RUNX1: variants seen among roughly 807,000 people sequenced by gnomAD.
The protein encoded by RUNX1 is RUNX family transcription factor 1, also known as runt-related transcription factor 1.
Under a neutral mutation model 42.8 loss-of-function variants are expected in RUNX1, and 19 were observed. That is an observed-to-expected ratio of 0.44 (90% CI 0.31 to 0.65). RUNX1 has a LOEUF of 0.65. RUNX1 is among the 30% of genes least tolerant of loss of function. RUNX1 has a pLI of 0.07. For synonymous variants in RUNX1, 271 were observed against 289.4 expected (o/e 0.94, Z 0.64); for missense variants, 528 against 672.0 (o/e 0.79, Z 2.37).
intron 3 of RUNX1, chr21:34,887,369 T>G (rs1203918693): frequency 2.1e-6 from 3 of 1,422,822 alleles, no homozygotes; most frequent in East Asian, 2.5e-5. Flanking sequence ...GATTGCTTAG[T>G]GCATTAAAAA....
At chr21:34,887,450 G>A (rs2058015109) in intron 3 of RUNX1, 1 of 1,293,626 alleles carries the variant, frequency 7.7e-7, no homozygotes, top group South Asian at 2.1e-5. Context: ...AAAAGTTCCT[G>A]AAGGCAAAAT....
intron 2 of RUNX1, among the ~76,000 whole-genome samples, chr21:35,005,887 C>G (rs1304498680): frequency 6.6e-6 from 1 of 152,206 alleles, no homozygotes; most frequent in Non-Finnish European, 1.5e-5. Context: ...ATGGCCTTGA[C>G]ACATTTAATG....
chr21:35,045,948 T>A (rs143365361), intron 2 of RUNX1, among the ~76,000 whole-genome samples: 1,579 of 152,222 alleles, frequency 0.01, 19 homozygotes, highest in Non-Finnish European at 0.014. Flanking sequence ...AGGCTTTGCA[T>A]AGACCACTAA....
intron 2 of RUNX1, among the ~76,000 whole-genome samples, chr21:34,953,661 G>C (rs1039794347): frequency 6.6e-6 from 1 of 152,154 alleles, no homozygotes. Flanking sequence ...ACTTTCTTCT[G>C]ATCTCTAAAT....
chr21:34,805,289 C>G (rs1271539402), intron 7 of RUNX1, among the ~76,000 whole-genome samples: 2 of 152,108 alleles, frequency 1.3e-5, no homozygotes, highest in African/African-American at 4.8e-5. Flanking sequence ...AAAAAGAAAA[C>G]AGTGGAAGAA....
chr21:34,856,794 C>G (rs1453555908), intron 6 of RUNX1, among the ~76,000 whole-genome samples: 1 of 152,170 alleles, frequency 6.6e-6, no homozygotes, highest in Non-Finnish European at 1.5e-5. Context: ...GAATTCATTG[C>G]ACCATAATCA....
At chr21:34,951,916 A>C (rs2058611163) in intron 2 of RUNX1, among the ~76,000 whole-genome samples, 1 of 152,206 alleles carries the variant, frequency 6.6e-6, no homozygotes, top group African/African-American at 2.4e-5. Context: ...TACTATAAAG[A>C]CACATGCACA....
chr21:35,049,137 G>A (rs532003099), intron 1 of RUNX1, 31 bp downstream of exon 1: 455 of 507,428 alleles, frequency 9.0e-4, no homozygotes, highest in Non-Finnish European at 1.3e-3. Context: ...AAAAGCCAGC[G>A]CCGCCTTGGC....
intron 2 of RUNX1, among the ~76,000 whole-genome samples, chr21:34,920,328 T>C (rs2058344551): frequency 6.6e-6 from 1 of 152,178 alleles, no homozygotes; most frequent in South Asian, 2.1e-4. Context: ...ATGGCCATTA[T>C]TAGAGACGGT....
chr21:34,820,531 T>C (rs117924639), intron 7 of RUNX1, among the ~76,000 whole-genome samples: 1,794 of 151,760 alleles, frequency 0.012, 21 homozygotes, highest in East Asian at 0.046. Context: ...TGGCAGACTC[T>C]GTAATCCCGA....
At chr21:35,035,626 C>G (rs774670106) in intron 2 of RUNX1, among the ~76,000 whole-genome samples, 43 of 152,264 alleles carry the variant, frequency 2.8e-4, no homozygotes, top group Non-Finnish European at 4.1e-4. Context: ...GTTATTTGTT[C>G]TCATTATTCA....
intron 2 of RUNX1, among the ~76,000 whole-genome samples, chr21:35,022,133 A>G (rs1397288366): frequency 2.0e-5 from 3 of 152,184 alleles, no homozygotes; most frequent in African/African-American, 7.2e-5. Context: ...TGTAGCTGAG[A>G]GCGGGTGTAG....
At chr21:34,980,554 G>A (rs897800300) in intron 2 of RUNX1, among the ~76,000 whole-genome samples, 2 of 152,190 alleles carry the variant, frequency 1.3e-5, no homozygotes, top group Non-Finnish European at 2.9e-5. Context: ...AAAGAGACAC[G>A]AATTAAAAAT....
At chr21:34,842,412 T>C (rs771243001) in intron 6 of RUNX1, among the ~76,000 whole-genome samples, 1 of 144,412 alleles carries the variant, frequency 6.9e-6, no homozygotes, top group Non-Finnish European at 1.5e-5. Flanking sequence ...GGAGAATCTC[T>C]TGAACCCAGG....
At chr21:34,905,339 G>T (rs950815153) in intron 2 of RUNX1, among the ~76,000 whole-genome samples, 3 of 152,148 alleles carry the variant, frequency 2.0e-5, no homozygotes, top group African/African-American at 4.8e-5. Flanking sequence ...CTACCTAAAT[G>T]ATTTCCCCAT....
At chr21:34,908,462 A>C (rs565318759) in intron 2 of RUNX1, among the ~76,000 whole-genome samples, 1 of 152,220 alleles carries the variant, frequency 6.6e-6, no homozygotes, top group African/African-American at 2.4e-5. Flanking sequence ...GTCTTGGATG[A>C]TACAGCAAGG....
At chr21:35,034,640 G>A (rs568071308) in intron 2 of RUNX1, among the ~76,000 whole-genome samples, 1 of 152,314 alleles carries the variant, frequency 6.6e-6, no homozygotes, top group East Asian at 1.9e-4. Flanking sequence ...GTGTCTAGTG[G>A]GTGTGGGCCA....
chr21:34,791,859 G>T lies in RUNX1; in HGVS notation c.*276C>A, dbSNP rs1157216575. The T allele has an allele frequency of 2.0e-5, 5 of 251,920 alleles. No homozygotes were observed. The highest frequency in any genetic ancestry group is 3.9e-5 in the Non-Finnish European group (5 of 129,452). The allele number at this position is 251,920 out of a possible 1,614,324, so 15.6% of individuals were successfully genotyped here. Reference sequence around the variant, plus strand: ...TGTTTGCTTTCCAGCGCGTCCCCTGGGTGCTGGGGCCGGCGGACACCCTCG... The same window carrying T: ...TGTTTGCTTTCCAGCGCGTCCCCTGTGTGCTGGGGCCGGCGGACACCCTCG... On this transcript the variant is annotated 3_prime_UTR_variant, in exon 9 of 9. Transcript: ENST00000675419.
chr21:34,842,413 T>G (rs1352943798), intron 6 of RUNX1, among the ~76,000 whole-genome samples: 1 of 134,222 alleles, frequency 7.5e-6, no homozygotes, highest in Non-Finnish European at 1.5e-5. Context: ...GAGAATCTCT[T>G]GAACCCAGGA....
Sources: allele counts gnomAD v4.1 joint callset (sites outside exome capture counted in the v4.1 genomes callset), GRCh38; gene constraint gnomAD v4.1.1; transcripts MANE v1.5; gene names NCBI Gene and HGNC (gene_info 2026-07-23, HGNC 2026-07-21).